The following TRPV3 variants were observed in gnomAD, a reference collection of about 807,000 sequenced individuals.
TRPV3 encodes VRL-3.
A neutral mutation model predicts 87.1 loss-of-function variants in TRPV3; 88 were observed. The observed-to-expected ratio is 1.01, with a 90% CI of 0.85 to 1.21. The LOEUF (loss-of-function observed/expected upper bound fraction) is 1.21, where lower values mean the gene tolerates loss of function less well. Among genes scored for constraint, TRPV3 ranks in the 50% most tolerant of loss-of-function variants. The probability of loss-of-function intolerance (pLI) is 0.00; values close to 1 mark genes in which losing one functional copy is unlikely to be tolerated. For synonymous variants in TRPV3, 438 were observed against 423.3 expected (o/e 1.03, Z -0.43); for missense variants, 1,054 against 1,030.1 (o/e 1.02, Z -0.32).
At chr17:3,531,200 G>A (rs1486767369) in intron 8 of TRPV3, among the ~76,000 whole-genome samples, 1 of 152,218 alleles carries the variant, frequency 6.6e-6, no homozygotes, top group Non-Finnish European at 1.5e-5. Context: ...GCTGGACACA[G>A]AGCTGCTGTC....
Position 3,510,799 on chromosome 17 carries a change from G to A in TRPV3, c.*3118C>T, listed in dbSNP as rs935066516. On this transcript the variant is annotated 3_prime_UTR_variant, in exon 18 of 18. Transcript: ENST00000576742. ...CATCTACCTGGGCCCTGCCCAGAGC[G>A]AAAGGTCACAGGTCACCAGGCCTTG... 2.6e-5 allele frequency: 4 copies of A among 152,242 alleles called. No homozygotes were observed. Among genetic ancestry groups the A allele is most frequent in the South Asian group, 2.1e-4 (1 of 4,832 alleles). 9.4% of individuals were successfully genotyped at this position (152,242 alleles called of 1,614,324 possible).
Position 3,532,661 on chromosome 17 carries a change from G to T in TRPV3, c.1061C>A (p.Ala354Glu). The change falls in exon 8 of 18, where the codon GCG (alanine) becomes GAG (glutamate). Residue 354 changes from alanine to glutamate, a missense_variant. By Grantham distance (107) the Ala-to-Glu change is moderately radical. Transcript: ENST00000576742. ...PLQLAAKMGKAEILKYILSRE... is the reference protein window; with the variant it reads ...PLQLAAKMGKEEILKYILSRE... ...CCCCACGCCCCATGGCCCCACCTCC[G>T]CCTTGCCCATCTTGGCGGCCAGCTG... is the stretch of plus-strand genomic sequence containing the variant. 6.2e-7 allele frequency: 1 copy of T among 1,613,884 alleles called. No individual in the cohort carries two copies. The highest frequency in any genetic ancestry group is 8.5e-7 in the Non-Finnish European group (1 of 1,179,988).
intron 8 of TRPV3, among the ~76,000 whole-genome samples, chr17:3,532,220 C>A (rs1201446334): frequency 6.6e-6 from 1 of 152,248 alleles, no homozygotes. Context: ...GCACAGAGTT[C>A]CAACCGCACA....
chr17:3,510,576 T>C lies in TRPV3; in HGVS notation c.*3341A>G, dbSNP rs1360686328. 6.6e-6 allele frequency: 1 copy of C among 152,262 alleles called. No individual in the cohort carries two copies. Among genetic ancestry groups the C allele is most frequent in the African/African-American group, 2.4e-5 (1 of 41,464 alleles). 9.4% of individuals were successfully genotyped at this position (152,262 alleles called of 1,614,324 possible). ...ATGGCACAAACATGTTCTTACTCTTTGTATGATTTCTTTCTTGAACATAGA... is the reference window on the plus strand; with the variant it reads ...ATGGCACAAACATGTTCTTACTCTTCGTATGATTTCTTTCTTGAACATAGA... On this transcript the variant is annotated 3_prime_UTR_variant, in exon 18 of 18. Coordinates refer to ENST00000576742, the MANE Select transcript of TRPV3 (RefSeq NM_145068.4).
intron 9 of TRPV3, among the ~76,000 whole-genome samples, chr17:3,529,685 G>A (rs557273441): frequency 1.3e-3 from 193 of 152,188 alleles, no homozygotes; most frequent in African/African-American, 4.5e-3. Context: ...AACGGGGGGT[G>A]GGAGAGAAAC....
rs746449594 is a variant in TRPV3 at position 3,542,588 on chromosome 17, A to G, written c.577T>C (p.Phe193Leu). ...TKEIVRILLAFAEENDILGRF... is the reference protein window; with the variant it reads ...TKEIVRILLALAEENDILGRF... Reference sequence around the variant, plus strand: ...CCCAGGATGTCGTTCTCTTCAGCAAAGGCAAGCAGGATCCGCACTATCTCC... The same window carrying G: ...CCCAGGATGTCGTTCTCTTCAGCAAGGGCAAGCAGGATCCGCACTATCTCC... The change falls in exon 6 of 18, where the codon TTT becomes CTT. Residue 193 changes from phenylalanine to leucine, a missense_variant. Phe to Leu is a conservative substitution (Grantham distance 22). Coordinates refer to ENST00000576742, the MANE Select transcript of TRPV3 (RefSeq NM_145068.4). 13 of 1,613,870 alleles carry G rather than the reference A, an allele frequency of 8.1e-6. No homozygotes were observed. The highest frequency in any genetic ancestry group is 2.5e-6 in the Non-Finnish European group (3 of 1,179,940).
Position 3,514,620 on chromosome 17 carries a change from C to T in TRPV3, c.2251G>A (p.Glu751Lys), listed in dbSNP as rs777339146. ...EWKTHVSFLN[E>K]DPGPVRRTDF... is the part of the protein sequence containing the mutation. ...GTTCGTCTTACAGGCCCCGGGTCTT[C>T]GTTAAGGAAGGAGACGTGCGTCTTC... Residue 751 changes from glutamate (E) to lysine (K), a missense_variant, in exon 17 of 18, where the codon GAA (glutamate) becomes AAA (lysine). Coordinates refer to ENST00000576742, the MANE Select transcript of TRPV3 (RefSeq NM_145068.4). The T allele has an allele frequency of 4.3e-6, 7 of 1,614,060 alleles. No individual in the cohort carries two copies. The highest frequency in any genetic ancestry group is 4.5e-5 in the East Asian group (2 of 44,872).
chr17:3,524,770 A>T (rs1597472105), intron 12 of TRPV3, among the ~76,000 whole-genome samples: 1 of 150,182 alleles, frequency 6.7e-6, no homozygotes, highest in East Asian at 2.0e-4. Context: ...CCAGGAGTTC[A>T]GGACCAGCCT....
Position 3,516,500 on chromosome 17 carries a change from C to T in TRPV3, c.2155G>A (p.Glu719Lys), listed in dbSNP as rs1267151154. ...TCATCCTCGGCCACTTTGCACAGCT[C>T]TCCCATCCGGAATCTGCTCCTCAGC... ...EWLRSRFRMG[E>K]LCKVAEDDFR... The change falls in exon 16 of 18, where the codon GAG becomes AAG. Residue 719 changes from glutamate (E) to lysine (K), a missense_variant. Physicochemically the swap from Glu to Lys is moderately conservative, Grantham distance 56. Transcript: ENST00000576742. The T allele has an allele frequency of 1.9e-6, 3 of 1,614,034 alleles. No individual in the cohort carries two copies. Among genetic ancestry groups the T allele is most frequent in the African/African-American group, 1.3e-5 (1 of 74,914 alleles).
intron 2 of TRPV3, among the ~76,000 whole-genome samples, chr17:3,550,185 C>T (rs996137185): frequency 6.6e-6 from 1 of 152,158 alleles, no homozygotes; most frequent in Non-Finnish European, 1.5e-5. Context: ...AGGTGACTTC[C>T]ACTGTGCTCT....
chr17:3,535,836 C>T, intron 6 of TRPV3, 123 bp from the exon 7 acceptor site: 1 of 1,161,470 alleles, frequency 8.6e-7, no homozygotes, highest in Non-Finnish European at 1.1e-6. Context: ...GTCTGTGTCG[C>T]CAGCTACCAG....
At position 3,556,691 on chromosome 17, in the gene TRPV3, G is replaced by A. The variant is rs536929753; in HGVS notation, c.-3+985C>T. Among the ~76,000 whole-genome samples, 4 of 152,266 alleles carry A rather than the reference G, an allele frequency of 2.6e-5. No individual in the cohort carries two copies. The highest frequency in any genetic ancestry group is 4.1e-4 in the South Asian group (2 of 4,826). Reference sequence around the variant, plus strand: ...GCAGGCTCAGGATGGAGGAGGCATCGGCGAGGGAGAGCTTTGGCCCTGGAG... The same window carrying A: ...GCAGGCTCAGGATGGAGGAGGCATCAGCGAGGGAGAGCTTTGGCCCTGGAG... On this transcript the variant is annotated intron_variant, in intron 1 of 17. Coordinates refer to ENST00000576742, the MANE Select transcript of TRPV3 (RefSeq NM_145068.4). The surrounding 1 kb of genome is among the most constrained non-coding windows in gnomAD (Gnocchi z 4.2).
intron 2 of TRPV3, among the ~76,000 whole-genome samples, chr17:3,550,480 C>T (rs774431733): frequency 3.3e-5 from 5 of 151,600 alleles, no homozygotes; most frequent in Non-Finnish European, 7.4e-5. Context: ...GCTGCTTGCT[C>T]ACCAGCTCAC....
chr17:3,530,097 T>G lies in TRPV3; in HGVS notation c.1172A>C (p.Asp391Ala), dbSNP rs774830504. 1 of 1,613,790 alleles carries G rather than the reference T, an allele frequency of 6.2e-7. No individual in the cohort carries two copies. Among genetic ancestry groups the G allele is most frequent in the Non-Finnish European group, 8.5e-7 (1 of 1,179,886 alleles). ...AYGPVSSSLY[D>A]LTNVDTTTDN... ...CGTGGTGGTGTCCACGTTGGTGAGG[T>G]CGTAGAGGGAGGATGACACGGGTCC... Residue 391 changes from aspartate (D) to alanine (A), a missense_variant, in exon 9 of 18, where the codon GAC becomes GCC. Physicochemically the swap from Asp to Ala is moderately radical, Grantham distance 126. Coordinates refer to ENST00000576742, the MANE Select transcript of TRPV3 (RefSeq NM_145068.4). This position sits in a 1 kb window ranked among gnomAD's most constrained non-coding sequence, Gnocchi z 4.0.
intron 6 of TRPV3, among the ~76,000 whole-genome samples, chr17:3,536,212 G>A (rs369174064): frequency 1.6e-4 from 25 of 152,298 alleles, no homozygotes; most frequent in African/African-American, 5.5e-4. Flanking sequence ...CCTTGAATTA[G>A]GAAACTGGCA....
intron 13 of TRPV3, among the ~76,000 whole-genome samples, chr17:3,522,820 C>CAAAAAAAAAA (rs772785322): frequency 1.5e-5 from 1 of 64,706 alleles, no homozygotes; most frequent in Non-Finnish European, 3.5e-5. Flanking sequence ...CAGTCACAAA[C>CAAAAAAAAAA]AAAAAAAAAA....
intron 17 of TRPV3, 167 bp downstream of exon 17, chr17:3,514,426 T>C: frequency 1.6e-6 from 1 of 612,378 alleles, no homozygotes; most frequent in Non-Finnish European, 2.9e-6. Context: ...TTAAAAGTTG[T>C]GCCAACTAGG....
chr17:3,521,802 G>T (rs1217773366), intron 13 of TRPV3, among the ~76,000 whole-genome samples: 1 of 152,198 alleles, frequency 6.6e-6, no homozygotes, highest in African/African-American at 2.4e-5. Context: ...AGGCCAGGGT[G>T]CAGTGACTCA....
intron 2 of TRPV3, chr17:3,552,580 C>T (rs2074588252): frequency 6.6e-6 from 1 of 152,252 alleles, no homozygotes; most frequent in Admixed American, 6.5e-5. Flanking sequence ...CATGAGGGTC[C>T]TCAGAGGGCC....
Sources: allele counts gnomAD v4.1 joint callset (sites outside exome capture counted in the v4.1 genomes callset), GRCh38; gene constraint gnomAD v4.1.1; non-coding constraint Gnocchi (gnomAD v3.1); transcripts MANE v1.5; gene names NCBI Gene and HGNC (gene_info 2026-07-23, HGNC 2026-07-21).